Variants in IP6K3 observed in about 807,000 individuals in gnomAD.
IP6K3 encodes the protein ATP:1D-myo-inositol-hexakisphosphate phosphotransferase.
A neutral mutation model predicts 28.8 loss-of-function variants in IP6K3; 20 were observed. The ratio of observed to expected loss-of-function variants is 0.70; its 90% CI spans 0.49 to 1.01. The LOEUF (loss-of-function observed/expected upper bound fraction) is 1.01. IP6K3 is among the 50% of genes least tolerant of loss of function. IP6K3 has a pLI of 0.00. For synonymous variants in IP6K3, 213 were observed against 221.3 expected, an observed-to-expected ratio of 0.96 and a Z score of 0.33; for missense variants, 480 against 537.1, an observed-to-expected ratio of 0.89 and a Z score of 1.05.
chr6:33,723,818 G>A (rs1247100929), intron 5 of IP6K3, among the ~76,000 whole-genome samples: 2 of 152,340 alleles, frequency 1.3e-5, no homozygotes, highest in East Asian at 3.9e-4. Flanking sequence ...GCTCTGTGGG[G>A]CTGGTGGCTC....
In IP6K3 at chr6:33,723,056, C is replaced by T. The variant is rs781376092; in HGVS notation, c.897G>A (p.Leu299=). The T allele has an allele frequency of 1.2e-6, 2 of 1,614,056 alleles. No individual in the cohort carries two copies. The highest frequency in any genetic ancestry group is 1.3e-5 in the African/African-American group (1 of 74,908). The stretch of plus-strand genomic sequence containing the variant: ...CCCGGAGCTGGTGCAGGATGGGCTC[C>T]AGGAGCTCCCTCCGGAGGTGGCTTC... The part of the protein sequence containing the change: ...HNGSHLRREL[L]EPILHQLRAL... The change falls in exon 6 of 6, where the codon CTG becomes CTA. Residue 299 remains leucine (L), a synonymous_variant. Transcript: ENST00000293756.
rs1322942548 is a variant in IP6K3, at chr6:33,723,182, A to C, written c.771T>G (p.Tyr257Ter). The C allele has an allele frequency of 6.4e-7, 1 of 1,558,058 alleles. No homozygotes were observed. The highest frequency in any genetic ancestry group is 8.7e-7 in the Non-Finnish European group (1 of 1,151,130). Residue 257 changes from tyrosine to a stop codon, truncating the protein, a stop_gained, in exon 6 of 6, where the codon TAT becomes TAG. Transcript: ENST00000293756. LOFTEE classifies it low-confidence loss of function (END_TRUNC). ...LGVRICGMQV[Y>*]QTDKKYFLCK... ...AGAGAAAGTACTTCTTATCTGTTTG[A>C]TAAACCTTACATTAAAAAGAATAAA...
chr6:33,730,249 G>A (rs1023433775), intron 2 of IP6K3, among the ~76,000 whole-genome samples: 122 of 152,350 alleles, frequency 8.0e-4, no homozygotes, highest in Non-Finnish European at 1.0e-4. Flanking sequence ...GGGCTGGTCA[G>A]CGTGGACACT....
chr6:33,750,366 G>A (rs1012851244), upstream of IP6K3, among the ~76,000 whole-genome samples: 5 of 152,074 alleles, frequency 3.3e-5, no homozygotes, highest in Non-Finnish European at 5.9e-5. This position sits in a 1 kb window ranked among gnomAD's most constrained non-coding sequence, Gnocchi z 4.3. Context: ...CACCCCCAGC[G>A]TTCAGCCCCT....
the IP6K3 span, among the ~76,000 whole-genome samples, chr6:33,759,321 G>C: frequency 6.6e-6 from 1 of 152,108 alleles, no homozygotes; most frequent in African/African-American, 2.4e-5. Flanking sequence ...CTGTCACCCA[G>C]GCTGGAGTGC....
chr6:33,741,986 A>C (rs1451880406), intron 1 of IP6K3, among the ~76,000 whole-genome samples: 2 of 152,128 alleles, frequency 1.3e-5, no homozygotes, highest in Admixed American at 1.3e-4. Flanking sequence ...AAAAAAAAAA[A>C]AAACAAAGCA....
the IP6K3 span, among the ~76,000 whole-genome samples, chr6:33,752,529 C>A: frequency 4.7e-3 from 717 of 152,326 alleles, 9 homozygotes; most frequent in African/African-American, 0.015. Flanking sequence ...CCTGAAACAC[C>A]ACAGCTGGAG....
the IP6K3 span, among the ~76,000 whole-genome samples, chr6:33,755,489 G>A: frequency 6.6e-6 from 1 of 152,264 alleles, no homozygotes; most frequent in Non-Finnish European, 1.5e-5. Context: ...AATTGGAGGT[G>A]ACCACAGGCA....
At chr6:33,730,705 TG>T (rs1363736384) in intron 2 of IP6K3, among the ~76,000 whole-genome samples, 24 of 152,120 alleles carry the variant, frequency 1.6e-4, no homozygotes, top group African/African-American at 5.5e-4. Context: ...GTTTTGACGG[TG>T]GGCGCCTAGG....
chr6:33,738,703 G>A (rs1330837370), intron 1 of IP6K3, among the ~76,000 whole-genome samples: 6 of 152,254 alleles, frequency 3.9e-5, no homozygotes, highest in Admixed American at 2.0e-4. Flanking sequence ...TGTGCGTCCC[G>A]GCCACACTGC....
Position 33,742,781 on chromosome 6 carries a change from CTG to C in IP6K3, c.-180+3975_-180+3976del, listed in dbSNP as rs918709599. Reference sequence around the variant, plus strand: ...TGCATAGGGACTGGTAGGGAAAAAACTGTGTTGACAAATGGGTCCTGGAGAAG... The same window carrying C: ...TGCATAGGGACTGGTAGGGAAAAAACTGTTGACAAATGGGTCCTGGAGAAG... On this transcript the variant is annotated intron_variant, in intron 1 of 5. Transcript: ENST00000293756. The surrounding 1 kb of genome is among the most constrained non-coding windows in gnomAD (Gnocchi z 4.5). Among the ~76,000 whole-genome samples the C allele has an allele frequency of 6.6e-6, 1 of 152,012 alleles. No individual in the cohort carries two copies. The highest frequency in any genetic ancestry group is 2.4e-5 in the African/African-American group (1 of 41,368).
In IP6K3 at chr6:33,725,561, A is replaced by G. The variant is rs1352391491; in HGVS notation, c.645T>C (p.Asp215=). ...CGTGCTGCCGGGTCCCCATCTTCAG[A>G]TCCAGGACACAGGGATGCGTGTACT... ...VSQYTHPCVL[D]LKMGTRQHGD... is the part of the protein sequence containing the mutation. The change falls in exon 5 of 6, where the codon GAT becomes GAC. Residue 215 remains aspartate (D), a synonymous_variant. Transcript: ENST00000293756. 6.2e-7 allele frequency: 1 copy of G among 1,614,134 alleles called. No individual in the cohort carries two copies. Among genetic ancestry groups the G allele is most frequent in the Admixed American group, 1.7e-5 (1 of 60,026 alleles).
rs749641003 is a variant in IP6K3, at chr6:33,735,498, G to A, written c.-22C>T. On this transcript the variant is annotated 5_prime_UTR_variant, in exon 2 of 6. Transcript: ENST00000293756. Reference sequence around the variant, plus strand: ...CCATGGCGGCAGATGGTGGTGGTGGGGGGTCCCTGCACAGTCTGCTAGAGG... The same window carrying A: ...CCATGGCGGCAGATGGTGGTGGTGGAGGGTCCCTGCACAGTCTGCTAGAGG... 5 of 1,603,022 alleles carry A rather than the reference G, an allele frequency of 3.1e-6. No homozygotes were observed. In the South Asian group the frequency reaches 4.4e-5, roughly 14 times the overall value.
chr6:33,759,519 T>G, the IP6K3 span, among the ~76,000 whole-genome samples: 2 of 152,198 alleles, frequency 1.3e-5, no homozygotes, highest in African/African-American at 4.8e-5. Context: ...CGTGAGTCAC[T>G]GTGCCCAGCT....
At chr6:33,723,219 G>T in intron 5 of IP6K3, 32 bp from the exon 6 acceptor site, 2 of 1,428,976 alleles carry the variant, frequency 1.4e-6, no homozygotes, top group Non-Finnish European at 9.5e-7. Context: ...AAAATGTGAA[G>T]ATTGGAAACT....
chr6:33,758,231 G>A, the IP6K3 span, among the ~76,000 whole-genome samples: 1 of 152,178 alleles, frequency 6.6e-6, no homozygotes, highest in Non-Finnish European at 1.5e-5. Flanking sequence ...AAAGCTCAGG[G>A]GCCGGAGCTT....
In IP6K3 at chr6:33,722,843, A is replaced by T; in HGVS notation, c.1110T>A (p.Phe370Leu). Residue 370 changes from phenylalanine to leucine, a missense_variant, in exon 6 of 6, where the codon TTT (phenylalanine) becomes TTA (leucine). By Grantham distance (22) the Phe-to-Leu change is conservative (BLOSUM62 0). Transcript: ENST00000293756. Reference protein sequence around the residue: ...LTKVDIRMIDFAHTTYKGYWN... With the variant: ...LTKVDIRMIDLAHTTYKGYWN... ...AGTAGCCCTTGTATGTGGTATGAGC[A>T]AAGTCAATCATGCGGATGTCAACCT... 6.2e-7 allele frequency: 1 copy of T among 1,612,820 alleles called. No homozygotes were observed. Among genetic ancestry groups the T allele is most frequent in the African/African-American group, 1.3e-5 (1 of 75,044 alleles).
chr6:33,758,816 C>T, the IP6K3 span, among the ~76,000 whole-genome samples: 62 of 152,318 alleles, frequency 4.1e-4, 1 homozygote, highest in South Asian at 4.6e-3. Context: ...CCAGGCTGGT[C>T]TTGAACTCCT....
chr6:33,748,000 T>G (rs1766959588), upstream of IP6K3, among the ~76,000 whole-genome samples: 1 of 151,996 alleles, frequency 6.6e-6, no homozygotes, highest in Non-Finnish European at 1.5e-5. This position sits in a 1 kb window ranked among gnomAD's most constrained non-coding sequence, Gnocchi z 5.2. Flanking sequence ...GGGACAGGCT[T>G]CAGGTCCAAG....
Sources: allele counts gnomAD v4.1 joint callset (sites outside exome capture counted in the v4.1 genomes callset), GRCh38; gene constraint gnomAD v4.1.1; non-coding constraint Gnocchi (gnomAD v3.1); transcripts MANE v1.5; gene names NCBI Gene and HGNC (gene_info 2026-07-23, HGNC 2026-07-21).